GALNTL6: variants seen among roughly 807,000 people sequenced by gnomAD.
The protein encoded by GALNTL6 is polypeptide N-acetylgalactosaminyltransferase-like 6.
Under a neutral mutation model 73.7 loss-of-function variants are expected in GALNTL6, and 46 were observed. The observed-to-expected ratio is 0.62, with a 90% CI of 0.49 to 0.80. GALNTL6 has a LOEUF of 0.80. GALNTL6 is among the 30% of genes least tolerant of loss of function. The pLI is 0.00. For missense variants in GALNTL6, 604 were observed against 755.0 expected, an observed-to-expected ratio of 0.80 and a Z score of 2.34; for synonymous variants, 259 against 263.7, an observed-to-expected ratio of 0.98 and a Z score of 0.17.
At chr4:172,182,291 A>T (rs72700987) in intron 2 of GALNTL6, among the ~76,000 whole-genome samples, 9,800 of 152,152 alleles carry the variant, frequency 0.064, 517 homozygotes, top group African/African-American at 0.15. Context: ...TGTTTTCATT[A>T]GATGTGTCTT....
At chr4:172,141,600 G>T (rs903671994) in intron 2 of GALNTL6, among the ~76,000 whole-genome samples, 1 of 151,556 alleles carries the variant, frequency 6.6e-6, no homozygotes, top group Non-Finnish European at 1.5e-5. Context: ...TTTTAAACTC[G>T]TCAATTAAAA....
chr4:172,765,546 A>AGTCTTT (rs71592102), intron 5 of GALNTL6, among the ~76,000 whole-genome samples: 1 of 151,346 alleles, frequency 6.6e-6, no homozygotes, highest in Admixed American at 6.6e-5. Context: ...CCATACTCTG[A>AGTCTTT]GTAGTCATTT....
At chr4:173,035,073 A>G (rs1016567281) in intron 12 of GALNTL6, among the ~76,000 whole-genome samples, 1 of 150,668 alleles carries the variant, frequency 6.6e-6, no homozygotes, top group African/African-American at 2.5e-5. Flanking sequence ...AATCTCATTG[A>G]CACTTTTTTA....
chr4:172,198,288 A>T (rs1166658338), intron 2 of GALNTL6, among the ~76,000 whole-genome samples: 3 of 152,056 alleles, frequency 2.0e-5, no homozygotes, highest in Non-Finnish European at 4.4e-5. Flanking sequence ...TCAAAAAAAA[A>T]AATAAAACAA....
chr4:172,102,698 A>C (rs1397178200), intron 2 of GALNTL6, among the ~76,000 whole-genome samples: 1 of 152,214 alleles, frequency 6.6e-6, no homozygotes. Context: ...ATAATTGTTT[A>C]CTGCAAGAGC....
intron 9 of GALNTL6, among the ~76,000 whole-genome samples, chr4:172,939,824 T>A (rs371931607): frequency 1.3e-5 from 2 of 152,210 alleles, no homozygotes; most frequent in Non-Finnish European, 1.5e-5. Flanking sequence ...GAAACCATTC[T>A]GTCAGCCAAG....
chr4:172,617,249 G>A (rs1038696104), intron 5 of GALNTL6, among the ~76,000 whole-genome samples: 4 of 151,754 alleles, frequency 2.6e-5, no homozygotes, highest in African/African-American at 4.8e-5. Context: ...TTTTAAAAAT[G>A]AGAAGTTCTT....
chr4:172,062,022 C>G (rs1376304491), intron 2 of GALNTL6, among the ~76,000 whole-genome samples: 1 of 146,134 alleles, frequency 6.8e-6, no homozygotes, highest in Non-Finnish European at 1.5e-5. Flanking sequence ...GATCTTGGCT[C>G]ACTGCAACTT....
intron 2 of GALNTL6, among the ~76,000 whole-genome samples, chr4:172,100,072 C>A (rs924495411): frequency 1.3e-5 from 2 of 152,102 alleles, no homozygotes; most frequent in African/African-American, 4.8e-5. Context: ...AATTTTTTAT[C>A]ATCATTTATT....
chr4:172,033,583 G>T (rs188123101), intron 2 of GALNTL6, among the ~76,000 whole-genome samples: 12 of 151,840 alleles, frequency 7.9e-5, no homozygotes, highest in Admixed American at 7.9e-4. Flanking sequence ...CTTGTCACTA[G>T]TTTTTCTATG....
At chr4:172,884,103 C>T (rs1260256391) in intron 8 of GALNTL6, among the ~76,000 whole-genome samples, 1 of 152,156 alleles carries the variant, frequency 6.6e-6, no homozygotes, top group African/African-American at 2.4e-5. Context: ...ATCACTTCTA[C>T]ATACTGAGTC....
At chr4:171,832,301 T>A (rs1234412940) in intron 2 of GALNTL6, among the ~76,000 whole-genome samples, 2 of 111,814 alleles carry the variant, frequency 1.8e-5, no homozygotes, top group Admixed American at 7.8e-5. Flanking sequence ...AGTCTTTTAA[T>A]TTTTTTTGTA....
intron 5 of GALNTL6, among the ~76,000 whole-genome samples, chr4:172,773,683 G>T (rs183679831): frequency 1.5e-3 from 230 of 151,822 alleles, no homozygotes; most frequent in African/African-American, 5.4e-3. Flanking sequence ...TGAACATTTT[G>T]CAAGGTAGAT....
chr4:172,023,301 T>A (rs1487218138), intron 2 of GALNTL6, among the ~76,000 whole-genome samples: 1 of 151,830 alleles, frequency 6.6e-6, no homozygotes, highest in Non-Finnish European at 1.5e-5. Flanking sequence ...TTGACTGTTG[T>A]TATTGGCAAA....
chr4:172,289,667 C>A (rs1739393184), intron 3 of GALNTL6, among the ~76,000 whole-genome samples: 2 of 152,170 alleles, frequency 1.3e-5, no homozygotes, highest in Admixed American at 6.6e-5. Context: ...TGGCAAGGGT[C>A]ACTCTCAAAA....
chr4:172,863,241 A>G (rs182493973), intron 7 of GALNTL6, among the ~76,000 whole-genome samples: 24 of 152,330 alleles, frequency 1.6e-4, no homozygotes, highest in African/African-American at 5.3e-4. Flanking sequence ...CCACTGGGGC[A>G]CTACCTAGTG....
At chr4:172,295,438 C>A (rs1739634349) in intron 3 of GALNTL6, among the ~76,000 whole-genome samples, 1 of 147,252 alleles carries the variant, frequency 6.8e-6, no homozygotes, top group African/African-American at 2.5e-5. Context: ...AAAAAAAGTG[C>A]CACAATCAGA....
At chr4:172,340,466 GTCTTTGCCCA>G (rs2111199745) in intron 4 of GALNTL6, among the ~76,000 whole-genome samples, 1 of 152,196 alleles carries the variant, frequency 6.6e-6, no homozygotes, top group East Asian at 1.9e-4. Context: ...TTCTTGTGGT[GTCTTTGCCCA>G]TCTTTGACAT....
intron 2 of GALNTL6, among the ~76,000 whole-genome samples, chr4:172,120,612 G>A (rs113608162): frequency 3.5e-4 from 53 of 152,026 alleles, no homozygotes; most frequent in African/African-American, 1.3e-3. Context: ...GGATATTTTT[G>A]GGGACCGTGA....
Sources: allele counts gnomAD v4.1 joint callset (sites outside exome capture counted in the v4.1 genomes callset), GRCh38; gene constraint gnomAD v4.1.1; transcripts MANE v1.5; gene names NCBI Gene and HGNC (gene_info 2026-07-23, HGNC 2026-07-21).